PCDHGB7: variants seen among roughly 807,000 people sequenced by gnomAD.
The protein encoded by PCDHGB7 is protocadherin gamma subfamily B, 7, also known as protocadherin gamma-B7.
PCDHGB7 carries 37 observed loss-of-function variants against 61.4 expected under a neutral mutation model. The observed-to-expected ratio is 0.60, with a 90% CI of 0.46 to 0.79. PCDHGB7 has a LOEUF of 0.79. Ranked by LOEUF, PCDHGB7 falls within the 30% of genes least tolerant of loss-of-function variation. The probability of loss-of-function intolerance (pLI) is 0.00; values close to 1 mark genes in which losing one functional copy is unlikely to be tolerated. For missense variants in PCDHGB7, 1,166 were observed against 1,202.5 expected, an observed-to-expected ratio of 0.97 and a Z score of 0.45; for synonymous variants, 464 against 503.5, an observed-to-expected ratio of 0.92 and a Z score of 1.05.
In PCDHGB7 at chr5:141,422,435, A is replaced by G. The variant is rs199795822; in HGVS notation, c.2415+2161A>G. 7.8e-4 allele frequency: 1,254 copies of G among 1,609,700 alleles called. 7 individuals are homozygous for G. The highest frequency in any genetic ancestry group is 2.1e-3 in the South Asian group (193 of 90,090). Reference sequence around the variant, plus strand: ...TTAGAAAAGACTTATGGAAATTATTACAAATTGATAACAAGCAGAGTGCTG... The same window carrying G: ...TTAGAAAAGACTTATGGAAATTATTGCAAATTGATAACAAGCAGAGTGCTG... On this transcript the variant is annotated intron_variant, in intron 1 of 3. Transcript: ENST00000398594.
Position 141,490,958 on chromosome 5 carries a change from A to T in PCDHGB7, c.2416-3849A>T, listed in dbSNP as rs771797392. 4.6e-5 allele frequency: 74 copies of T among 1,613,610 alleles called. No individual in the cohort carries two copies. The highest frequency in any genetic ancestry group is 1.6e-4 in the Middle Eastern group (1 of 6,084). ...CTGCACCCACGGCCAGACTGGGAAC[A>T]CTCAGCCCCCCAGCGTCTCCCTCGC... On this transcript the variant is annotated intron_variant, in intron 1 of 3. Coordinates refer to ENST00000398594, the MANE Select transcript of PCDHGB7 (RefSeq NM_018927.4). This position sits in a 1 kb window ranked among gnomAD's most constrained non-coding sequence, Gnocchi z 5.4.
chr5:141,502,864 G>T (rs1595824348), intron 2 of PCDHGB7, among the ~76,000 whole-genome samples: 4 of 61,548 alleles, frequency 6.5e-5, no homozygotes, highest in African/African-American at 2.4e-4. Flanking sequence ...CTGACTCTCT[G>T]TCTTTTTTTT....
At chr5:141,422,009 G>C (rs1483710075) in intron 1 of PCDHGB7, 1 of 1,609,752 alleles carries the variant, frequency 6.2e-7, no homozygotes, top group Non-Finnish European at 8.5e-7. Flanking sequence ...TCCGGAACTC[G>C]GGTGCTGATG....
chr5:141,425,962 C>T (rs2096906059), intron 1 of PCDHGB7, among the ~76,000 whole-genome samples: 2 of 152,236 alleles, frequency 1.3e-5, no homozygotes, highest in African/African-American at 2.4e-5. Flanking sequence ...TAGTCCAACA[C>T]ATCAGTCTAA....
rs2099606006 is a variant in PCDHGB7, at chr5:141,485,058, G to A, written c.2416-9749G>A. Reference sequence around the variant, plus strand: ...TAACCCTTGCGGCGCCGGCCGAACCGCGCCAGAGCTGGCGCGGGGAAAGGG... The same window carrying A: ...TAACCCTTGCGGCGCCGGCCGAACCACGCCAGAGCTGGCGCGGGGAAAGGG... On this transcript the variant is annotated intron_variant, in intron 1 of 3. Coordinates refer to ENST00000398594, the MANE Select transcript of PCDHGB7 (RefSeq NM_018927.4). The surrounding 1 kb of genome is among the most constrained non-coding windows in gnomAD (Gnocchi z 5.7). 1 of 848,828 alleles carries A rather than the reference G, an allele frequency of 1.2e-6. No individual in the cohort carries two copies. The highest frequency in any genetic ancestry group is 1.9e-6 in the Non-Finnish European group (1 of 529,084). The allele number at this position is 848,828 out of a possible 1,614,324, so 52.6% of individuals were successfully genotyped here.
intron 1 of PCDHGB7, among the ~76,000 whole-genome samples, chr5:141,446,714 G>T (rs193229261): frequency 2.6e-5 from 4 of 152,044 alleles, no homozygotes; most frequent in African/African-American, 9.7e-5. Flanking sequence ...TGATCTGCCC[G>T]CCTCGGCCTC....
At chr5:141,463,168 T>C (rs74924211) in intron 1 of PCDHGB7, among the ~76,000 whole-genome samples, 6,974 of 152,254 alleles carry the variant, frequency 0.046, 178 homozygotes, top group Middle Eastern at 0.082. Context: ...GTGCACTCTA[T>C]GTATGCTCAG....
In PCDHGB7 at chr5:141,490,294, T is replaced by C. The variant is rs766906839; in HGVS notation, c.2416-4513T>C. ...CAATGACAATGCCCCAGAGGTGCTA[T>C]TGGCCTCTTTGGCCAACCCTGTCCT... On this transcript the variant is annotated intron_variant, in intron 1 of 3. Transcript: ENST00000398594. This position sits in a 1 kb window ranked among gnomAD's most constrained non-coding sequence, Gnocchi z 5.4. The C allele has an allele frequency of 5.6e-6, 9 of 1,614,104 alleles. No individual in the cohort carries two copies. The East Asian group carries it at 1.3e-4, about 24-fold the overall frequency.
chr5:141,494,601 A>T (rs1396717178), intron 1 of PCDHGB7, among the ~76,000 whole-genome samples: 1 of 151,892 alleles, frequency 6.6e-6, no homozygotes, highest in East Asian at 1.9e-4. Context: ...ATGAAATGTG[A>T]TTTATCTCTT....
Position 141,418,749 on chromosome 5 carries a change from C to A in PCDHGB7, c.890C>A (p.Thr297Asn). 6.2e-7 allele frequency: 1 copy of A among 1,613,866 alleles called. No individual in the cohort carries two copies. Among genetic ancestry groups the A allele is most frequent in the South Asian group, 1.1e-5 (1 of 91,076 alleles). ...CAGCACGTGTTCTCTCTGGATTACA[C>A]TACAGGAAACATTCTAACTCAGCAG... Reference protein sequence around the residue: ...KAQHVFSLDYTTGNILTQQPL... With the variant: ...KAQHVFSLDYNTGNILTQQPL... Residue 297 changes from threonine to asparagine, a missense_variant, in exon 1 of 4, where the codon ACT becomes AAT. Coordinates refer to ENST00000398594, the MANE Select transcript of PCDHGB7 (RefSeq NM_018927.4).
At position 141,476,247 on chromosome 5, in the gene PCDHGB7, G is replaced by C. The variant is rs1439421662; in HGVS notation, c.2416-18560G>C. 1 of 1,614,042 alleles carries C rather than the reference G, an allele frequency of 6.2e-7. No individual in the cohort carries two copies. Among genetic ancestry groups the C allele is most frequent in the Non-Finnish European group, 8.5e-7 (1 of 1,180,010 alleles). ...GAGATCCCGGAGGAAAGAGAGAAGG[G>C]TTTCGCTGTGGGCAACGTGGTCGCG... On this transcript the variant is annotated intron_variant, in intron 1 of 3. Coordinates refer to ENST00000398594, the MANE Select transcript of PCDHGB7 (RefSeq NM_018927.4). The surrounding 1 kb of genome is among the most constrained non-coding windows in gnomAD (Gnocchi z 7.6).
intron 1 of PCDHGB7, among the ~76,000 whole-genome samples, chr5:141,481,109 A>G (rs959629019): frequency 6.6e-6 from 1 of 152,186 alleles, no homozygotes; most frequent in Non-Finnish European, 1.5e-5. Flanking sequence ...GGAACCTACC[A>G]ATCCATCATT....
At chr5:141,497,060 G>T (rs1244885752) in intron 2 of PCDHGB7, among the ~76,000 whole-genome samples, 1 of 151,952 alleles carries the variant, frequency 6.6e-6, no homozygotes, top group Non-Finnish European at 1.5e-5. Context: ...GTGGTGGCAG[G>T]CACCTGTAAT....
At chr5:141,481,813 G>A (rs185558948) in intron 1 of PCDHGB7, among the ~76,000 whole-genome samples, 15 of 151,942 alleles carry the variant, frequency 9.9e-5, no homozygotes, top group East Asian at 7.8e-4. Context: ...TTCACCAGGC[G>A]TGGTGGCTGA....
chr5:141,423,906 G>A (rs2096789586), intron 1 of PCDHGB7: 17 of 1,272,396 alleles, frequency 1.3e-5, no homozygotes, highest in Non-Finnish European at 1.7e-5. Context: ...ATTTCAAAGG[G>A]GCCATTCAAC....
chr5:141,501,132 G>T (rs371444727), intron 2 of PCDHGB7, among the ~76,000 whole-genome samples: 2 of 152,262 alleles, frequency 1.3e-5, no homozygotes, highest in East Asian at 3.9e-4. Flanking sequence ...CTCCCTAAGT[G>T]CTGGGATTAC....
At chr5:141,469,743 A>G (rs1166798506) in intron 1 of PCDHGB7, among the ~76,000 whole-genome samples, 1 of 152,252 alleles carries the variant, frequency 6.6e-6, no homozygotes, top group Non-Finnish European at 1.5e-5. Context: ...CACCTCAAAA[A>G]TTACAAAAAT....
At chr5:141,462,036 G>T (rs760555655) in intron 1 of PCDHGB7, among the ~76,000 whole-genome samples, 6 of 151,978 alleles carry the variant, frequency 3.9e-5, no homozygotes, top group Non-Finnish European at 8.8e-5. Flanking sequence ...TTGGTCAGGC[G>T]GGTCTTGAAC....
Position 141,417,787 on chromosome 5 carries a change from T to C in PCDHGB7, c.-73T>C. 1 of 1,477,124 alleles carries C rather than the reference T, an allele frequency of 6.8e-7. No homozygotes were observed. The highest frequency in any genetic ancestry group is 9.0e-7 in the Non-Finnish European group (1 of 1,112,044). 91.5% of individuals were successfully genotyped at this position (1,477,124 alleles called of 1,614,324 possible). ...GGGACTCCTCCTGTCCTGGGCCGAA[T>C]GCTCTTTTAGCGCGGTAGAGTGCAC... On this transcript the variant is annotated 5_prime_UTR_variant, in exon 1 of 4. It removes an upstream start codon present in the reference 5' UTR. Transcript: ENST00000398594.
Sources: allele counts gnomAD v4.1 joint callset (sites outside exome capture counted in the v4.1 genomes callset), GRCh38; gene constraint gnomAD v4.1.1; non-coding constraint Gnocchi (gnomAD v3.1); transcripts MANE v1.5; gene names NCBI Gene and HGNC (gene_info 2026-07-23, HGNC 2026-07-21).